Variants in FANCD2 observed in about 807,000 individuals in gnomAD.
FANCD2 encodes the protein FA complementation group D2.
A neutral mutation model predicts 192.3 loss-of-function variants in FANCD2; 131 were observed. The ratio of observed to expected loss-of-function variants is 0.68; its 90% CI spans 0.59 to 0.79. The LOEUF is 0.79. Among genes scored for constraint, FANCD2 ranks in the 30% least tolerant of loss-of-function variants. The probability of loss-of-function intolerance (pLI) is 0.00; values close to 1 mark genes in which losing one functional copy is unlikely to be tolerated. For missense variants in FANCD2, 1,508 were observed against 1,701.6 expected (o/e 0.89, Z 2.00); for synonymous variants, 524 against 612.5 (o/e 0.86, Z 2.13).
rs531525174 is a variant in FANCD2, at chr3:10,092,444, T to C, written c.3849+192T>C. Among the ~76,000 whole-genome samples the C allele has an allele frequency of 2.8e-3, 421 of 148,802 alleles. 2 individuals are homozygous for C. The highest frequency in any genetic ancestry group is 4.1e-3 in the Non-Finnish European group (278 of 67,402). ...TTCTCACTAGGCATTTTTTTTTTTG[T>C]CTTTTCCTTCCTTCCTCCTACTTAT... On this transcript the variant is annotated intron_variant, in intron 38 of 43. Coordinates refer to ENST00000675286, the MANE Select transcript of FANCD2 (RefSeq NM_001018115.3).
At chr3:10,070,541 C>A (rs1693168494) in intron 26 of FANCD2, among the ~76,000 whole-genome samples, 1 of 138,752 alleles carries the variant, frequency 7.2e-6, no homozygotes, top group Non-Finnish European at 1.6e-5. Context: ...GCCGCCCCGT[C>A]CGGGAGGTGA....
intron 14 of FANCD2, among the ~76,000 whole-genome samples, chr3:10,045,312 G>A (rs186663304): frequency 1.1e-4 from 16 of 152,110 alleles, no homozygotes; most frequent in Non-Finnish European, 2.2e-4. Flanking sequence ...GGGACTACAG[G>A]CACCTGCCAC....
intron 14 of FANCD2, among the ~76,000 whole-genome samples, chr3:10,046,021 A>G (rs2086995399): frequency 6.7e-6 from 1 of 148,674 alleles, no homozygotes; most frequent in Non-Finnish European, 1.5e-5. Flanking sequence ...TTACTTCTGT[A>G]GTAATATCAC....
At position 10,034,524 on chromosome 3, in the gene FANCD2, T is replaced by G; in HGVS notation, c.261T>G (p.Pro87=). ...KKLFQTLRRH[P]SYPKIIEEFV... ...TCTTTCAGACCCTGAGGAGACACCC[T>G]TCCTATCCCAAAGTATGTATTTTTC... The change falls in exon 4 of 44, where the codon CCT becomes CCG. Residue 87 remains proline, a synonymous_variant. Transcript: ENST00000675286. The G allele has an allele frequency of 6.2e-7, 1 of 1,611,254 alleles. No individual in the cohort carries two copies. Among genetic ancestry groups the G allele is most frequent in the Non-Finnish European group, 8.5e-7 (1 of 1,177,402 alleles).
At position 10,035,158 on chromosome 3, in the gene FANCD2, CT is replaced by C. The variant is rs55973240; in HGVS notation, c.378-5del. On this transcript the variant is annotated splice_polypyrimidine_tract_variant and intron_variant, in intron 5 of 43. Coordinates refer to ENST00000675286, the MANE Select transcript of FANCD2 (RefSeq NM_001018115.3). The stretch of plus-strand genomic sequence containing the variant: ...GGAAAGCAAAGTGGAAAACAGATTT[CT>C]TTTTTTTTTACAGTATGGGTGCATC... The C allele has an allele frequency of 5.1e-3, 6,989 of 1,361,364 alleles. No homozygotes were observed. The highest frequency in any genetic ancestry group is 5.7e-3 in the South Asian group (433 of 75,388). 84.3% of individuals were successfully genotyped at this position (1,361,364 alleles called of 1,614,324 possible).
chr3:10,100,710 G>A (rs936263159), intron 43 of FANCD2, among the ~76,000 whole-genome samples: 17 of 151,998 alleles, frequency 1.1e-4, no homozygotes, highest in African/African-American at 3.6e-4. Context: ...ATTCTATATC[G>A]AATGCCCTCT....
chr3:10,043,029 G>C lies in FANCD2; in HGVS notation c.889-21G>C, dbSNP rs1374649064. The C allele has an allele frequency of 5.0e-6, 8 of 1,602,950 alleles. No homozygotes were observed. In the Admixed American group the frequency reaches 6.7e-5, roughly 13 times the overall value. ...CACTATGAATGAGCAGAAAACCATA[G>C]CTAATATTTACTTTCTGCAGGTAAT... On this transcript the variant is annotated intron_variant, in intron 11 of 43. Coordinates refer to ENST00000675286, the MANE Select transcript of FANCD2 (RefSeq NM_001018115.3).
chr3:10,055,743 C>T (rs1266849457), intron 18 of FANCD2, among the ~76,000 whole-genome samples: 5 of 151,700 alleles, frequency 3.3e-5, no homozygotes, highest in East Asian at 1.9e-4. Flanking sequence ...ACCCGGGATA[C>T]GGAGCTTGCA....
At chr3:10,078,006 C>CA in intron 29 of FANCD2, 75 bp from the exon 30 acceptor site, 1 of 1,113,558 alleles carries the variant, frequency 9.0e-7, no homozygotes, top group Non-Finnish European at 1.4e-6. Flanking sequence ...GCACATTTAA[C>CA]AAAAAAGAAA....
intron 43 of FANCD2, chr3:10,099,635 G>C (rs914758423): frequency 6.5e-6 from 1 of 154,168 alleles, no homozygotes; most frequent in East Asian, 1.8e-4. Context: ...GCACGTGCCT[G>C]TTATCTCAGC....
At chr3:10,085,728 A>G in intron 32 of FANCD2, 84 bp from the exon 33 acceptor site, 3 of 891,502 alleles carry the variant, frequency 3.4e-6, no homozygotes, top group Non-Finnish European at 5.7e-6. Context: ...TATTGATGGT[A>G]CAGACTGGAG....
rs10222446 is a variant in FANCD2 at position 10,049,351 on chromosome 3, T to C, written c.1414-23T>C. The C allele has an allele frequency of 0.3, 333,889 of 1,117,110 alleles. 48,671 individuals carry two copies. Among genetic ancestry groups the C allele is most frequent in the African/African-American group, 0.78 (49,956 of 64,366 alleles). The allele number at this position is 1,117,110 out of a possible 1,614,324, so 69.2% of individuals were successfully genotyped here. ...CCATCCATATTTTGTTTTACACTGT[T>C]CTGTTGACTCTCCCCTGTATAGGAA... On this transcript the variant is annotated intron_variant, in intron 16 of 43. Transcript: ENST00000675286.
Position 10,092,233 on chromosome 3 carries a change from T to A in FANCD2, c.3830T>A (p.Ile1277Asn). ...AACATGGCTGTTCGAGACTTCAGTA[T>A]CCTCATCAACTTGATAAAGGTGAGT... is the stretch of plus-strand genomic sequence containing the variant. Reference protein sequence around the residue: ...YWNMAVRDFSILINLIKVFDS... With the variant: ...YWNMAVRDFSNLINLIKVFDS... Residue 1277 changes from isoleucine (I) to asparagine (N), a missense_variant, in exon 38 of 44, where the codon ATC (isoleucine) becomes AAC (asparagine). By Grantham distance (149) the Ile-to-Asn change is moderately radical. This residue lies in a region of FANCD2 where 796 missense variants were observed against 879.4 expected (regional missense o/e 0.91). Transcript: ENST00000675286. 1 of 1,613,596 alleles carries A rather than the reference T, an allele frequency of 6.2e-7. No individual in the cohort carries two copies. Among genetic ancestry groups the A allele is most frequent in the East Asian group, 2.2e-5 (1 of 44,884 alleles).
intron 43 of FANCD2, 123 bp downstream of exon 43, chr3:10,098,938 A>G: frequency 6.2e-7 from 1 of 1,614,210 alleles, no homozygotes; most frequent in Non-Finnish European, 8.5e-7. Flanking sequence ...GCCCATTTCC[A>G]TTCCCTCCAT....
chr3:10,042,568 TTGG>T lies in FANCD2; in HGVS notation c.796_798del (p.Val266del), dbSNP rs781304806. 1 of 1,613,854 alleles carries T rather than the reference TTGG, an allele frequency of 6.2e-7. No homozygotes were observed. Among genetic ancestry groups the T allele is most frequent in the Admixed American group, 1.7e-5 (1 of 60,008 alleles). ...TGCTTTTAATTTTTAGGTTCGCCAG[TTGG>T]TGATGGATAAGTTGTCGTCTATTAG... is the stretch of plus-strand genomic sequence containing the variant. On this transcript the variant is annotated inframe_deletion, in exon 11 of 44. Coordinates refer to ENST00000675286, the MANE Select transcript of FANCD2 (RefSeq NM_001018115.3).
chr3:10,042,920 T>A, intron 11 of FANCD2, 130 bp from the exon 12 acceptor site: 1 of 881,264 alleles, frequency 1.1e-6, no homozygotes, highest in Non-Finnish European at 1.8e-6. Flanking sequence ...TAACTCTATT[T>A]TTCAAAATGT....
intron 37 of FANCD2, among the ~76,000 whole-genome samples, chr3:10,091,145 A>T (rs1351215961): frequency 1.3e-5 from 2 of 148,984 alleles, no homozygotes; most frequent in Non-Finnish European, 3.0e-5. Context: ...TAGTGGTGCA[A>T]ACTTGGCTCA....
Position 10,042,676 on chromosome 3 carries a change from A to G in FANCD2, c.888+13A>G, listed in dbSNP as rs770916832. 2.5e-6 allele frequency: 4 copies of G among 1,600,188 alleles called. No homozygotes were observed. Among genetic ancestry groups the G allele is most frequent in the Non-Finnish European group, 3.4e-6 (4 of 1,167,292 alleles). On this transcript the variant is annotated intron_variant, in intron 11 of 43. Transcript: ENST00000675286. ...GGATACACTTGAGGTATGCTCTTAT[A>G]TCCCATCACACCTAGATAAAGCAAC...
intron 43 of FANCD2, chr3:10,099,135 TTC>T (rs1202328086): frequency 1.4e-6 from 2 of 1,473,954 alleles, no homozygotes; most frequent in African/African-American, 1.4e-5. Context: ...TCGAAGTATT[TTC>T]TGAGTGTTGA....
Sources: allele counts gnomAD v4.1 joint callset (sites outside exome capture counted in the v4.1 genomes callset), GRCh38; gene constraint gnomAD v4.1.1; regional missense constraint gnomAD v4.1.1; transcripts MANE v1.5; gene names NCBI Gene and HGNC (gene_info 2026-07-23, HGNC 2026-07-21).